Variants in SYN1 observed in about 807,000 individuals in gnomAD.
SYN1 encodes the protein synapsin I.
In SYN1, 8 loss-of-function variants were observed where a neutral mutation model predicts 44.6. That is an observed-to-expected ratio of 0.18 (90% CI 0.11 to 0.32). SYN1 has a LOEUF of 0.32. SYN1 is among the 10% of genes least tolerant of loss of function. The probability of loss-of-function intolerance (pLI) is 1.00; values close to 1 mark genes in which losing one functional copy is unlikely to be tolerated. For synonymous variants in SYN1, 275 were observed against 280.1 expected (o/e 0.98, Z 0.18); for missense variants, 451 against 639.4 (o/e 0.71, Z 3.18).
At chrX:47,604,919 A>G in intron 5 of SYN1, 59 bp downstream of exon 5, 15 of 1,005,481 alleles carry the variant, frequency 1.5e-5, no homozygotes, top group Non-Finnish European at 2.1e-5. Flanking sequence ...CCAATATTTA[A>G]TATTATTGCA....
chrX:47,619,556 G>A lies in SYN1; in HGVS notation c.173C>T (p.Ala58Val). ...AGGGGCGGCCGGAGAGGCCGCTGGG[G>A]CGACCCCGGAGGACCTCTCGGCAGT... ...TATAERSSGV[A>V]PAASPAAPSP... Residue 58 changes from alanine to valine, a missense_variant, in exon 1 of 13, where the codon GCC (alanine) becomes GTC (valine). Coordinates refer to ENST00000295987, the MANE Select transcript of SYN1 (RefSeq NM_006950.3). The A allele has an allele frequency of 8.5e-7, 1 of 1,182,611 alleles. No individual in the cohort carries two copies.
chrX:47,597,228 G>A (rs1313785769), intron 5 of SYN1, among the ~76,000 whole-genome samples: 3 of 109,708 alleles, frequency 2.7e-5, no homozygotes, highest in Non-Finnish European at 3.8e-5. Flanking sequence ...CCAGCTACTC[G>A]GGAGGCTGAG....
chrX:47,607,479 T>C (rs760580), intron 1 of SYN1, among the ~76,000 whole-genome samples: 47,184 of 110,403 alleles, frequency 0.43, 7,510 homozygotes, highest in African/African-American at 0.54. Flanking sequence ...CATCACATTG[T>C]CATTGTAAAT....
chrX:47,578,262 C>T (rs775216662), intron 5 of SYN1, among the ~76,000 whole-genome samples: 3 of 110,651 alleles, frequency 2.7e-5, no homozygotes, highest in East Asian at 2.8e-4. Flanking sequence ...AAAGATTACC[C>T]GTCCAATCAA....
At chrX:47,612,756 G>A (rs1217397421) in intron 1 of SYN1, among the ~76,000 whole-genome samples, 2 of 111,763 alleles carry the variant, frequency 1.8e-5, no homozygotes, top group East Asian at 5.6e-4. Flanking sequence ...TTGGTCAGGG[G>A]CCTGGAAATA....
At chrX:47,581,792 T>C (rs1260245143) in intron 5 of SYN1, among the ~76,000 whole-genome samples, 3 of 111,687 alleles carry the variant, frequency 2.7e-5, no homozygotes, top group Non-Finnish European at 5.6e-5. Context: ...TTTGCCTGTG[T>C]TATTTGAGAC....
At chrX:47,586,511 T>A (rs759301948) in intron 5 of SYN1, 1 of 1,209,427 alleles carries the variant, frequency 8.3e-7, no homozygotes, top group Non-Finnish European at 1.1e-6. Context: ...GTTTCCCTCC[T>A]CCCTTCCAGG....
intron 5 of SYN1, 33 bp downstream of exon 5, chrX:47,604,945 C>T (rs778303288): frequency 1.8e-6 from 2 of 1,131,380 alleles, no homozygotes; most frequent in Non-Finnish European, 2.4e-6. Context: ...TATGACTCTT[C>T]CCTCCTGCCC....
chrX:47,591,395 T>C (rs1053738532), intron 5 of SYN1, among the ~76,000 whole-genome samples: 1 of 112,107 alleles, frequency 8.9e-6, no homozygotes, highest in African/African-American at 3.2e-5. Flanking sequence ...TGGAACAGAA[T>C]AGAGTTCTGA....
intron 5 of SYN1, among the ~76,000 whole-genome samples, chrX:47,595,851 T>TA (rs2057862298): frequency 8.9e-6 from 1 of 111,951 alleles, no homozygotes; most frequent in African/African-American, 3.2e-5. Flanking sequence ...TTCTCCTCCT[T>TA]AAAATTGCTT....
rs1005102367 is a variant in SYN1, at chrX:47,572,789, A to T, written c.*75T>A. ...AGATGGGTTCTCAAGGGATTTGGAG[A>T]CTCCAAAAGTGAGAAATGGATTCAG... On this transcript the variant is annotated 3_prime_UTR_variant, in exon 13 of 13. Coordinates refer to ENST00000295987, the MANE Select transcript of SYN1 (RefSeq NM_006950.3). 4 of 1,187,185 alleles carry T rather than the reference A, an allele frequency of 3.4e-6. No individual in the cohort carries two copies. Among genetic ancestry groups the T allele is most frequent in the Admixed American group, 4.4e-5 (2 of 45,475 alleles).
chrX:47,597,335 CAAAA>C (rs759461408), intron 5 of SYN1, among the ~76,000 whole-genome samples: 2 of 48,982 alleles, frequency 4.1e-5, no homozygotes, highest in African/African-American at 7.0e-5. Flanking sequence ...AACTCCATCT[CAAAA>C]AAAAAAAAAA....
At chrX:47,573,348 A>G (rs723556) in intron 12 of SYN1, among the ~76,000 whole-genome samples, 52,920 of 109,856 alleles carry the variant, frequency 0.48, 9,430 homozygotes, top group African/African-American at 0.63. Flanking sequence ...TGAGCAGGGA[A>G]GTTTCCAATC....
chrX:47,591,356 T>G (rs985596278), intron 5 of SYN1, among the ~76,000 whole-genome samples: 1 of 112,294 alleles, frequency 8.9e-6, no homozygotes, highest in African/African-American at 3.2e-5. Flanking sequence ...GTAGTATGGC[T>G]TTGGTACAGG....
At chrX:47,579,138 C>T (rs144283602) in intron 5 of SYN1, among the ~76,000 whole-genome samples, 23 of 111,606 alleles carry the variant, frequency 2.1e-4, no homozygotes, top group Middle Eastern at 4.6e-3. Context: ...GGCACATGCT[C>T]GACTCTTAGC....
chrX:47,582,469 C>T (rs1364473782), intron 5 of SYN1: 7 of 278,543 alleles, frequency 2.5e-5, no homozygotes, highest in Non-Finnish European at 5.1e-5. Context: ...CAGAGAGACA[C>T]CAGAGGTAAG....
intron 5 of SYN1, among the ~76,000 whole-genome samples, chrX:47,595,047 A>C (rs2057860055): frequency 9.0e-6 from 1 of 111,089 alleles, no homozygotes; most frequent in African/African-American, 3.3e-5. Context: ...ATTTCTATAC[A>C]GTTATAAATC....
chrX:47,595,584 AAAC>A (rs1305656286), intron 5 of SYN1, among the ~76,000 whole-genome samples: 28 of 112,121 alleles, frequency 2.5e-4, no homozygotes, highest in Admixed American at 4.7e-4. Flanking sequence ...GCAGAAGAAA[AAAC>A]AGTTTGATTC....
At position 47,577,610 on chromosome X, in the gene SYN1, T is replaced by G. The variant is rs1017293464; in HGVS notation, c.775-109A>C. 6 of 674,909 alleles carry G rather than the reference T, an allele frequency of 8.9e-6. No homozygotes were observed. The Admixed American group carries it at 1.6e-4, about 18-fold the overall frequency. The allele number at this position is 674,909 out of a possible 1,213,427, so 55.6% of individuals were successfully genotyped here. ...CAGTGGGAACTGCATTATGAGTCAC[T>G]TCCCAGGACACACAGGTCAGAGACA... On this transcript the variant is annotated intron_variant, in intron 5 of 12. Coordinates refer to ENST00000295987, the MANE Select transcript of SYN1 (RefSeq NM_006950.3).
Sources: gnomAD v4.1 joint callset for allele counts (sites outside exome capture counted in the v4.1 genomes callset) on GRCh38, gnomAD v4.1.1 for gene constraint, MANE v1.5 for transcripts, NCBI Gene and HGNC (gene_info 2026-07-23, HGNC 2026-07-21) for gene names.